The following WDR72 variants were observed in gnomAD, a reference collection of about 807,000 sequenced individuals.
WDR72 encodes WD repeat-containing protein 72.
A neutral mutation model predicts 124.2 loss-of-function variants in WDR72; 120 were observed. That is an observed-to-expected ratio of 0.97 (90% CI 0.83 to 1.12). WDR72 has a LOEUF of 1.12. WDR72 is among the 50% of genes most tolerant of loss of function. The pLI, the probability that WDR72 is intolerant of heterozygous loss-of-function variation, is 0.00. For missense variants in WDR72, 1,387 were observed against 1,278.8 expected (o/e 1.08, Z -1.29); for synonymous variants, 452 against 441.7 (o/e 1.02, Z -0.29).
At chr15:53,743,400 T>C (rs912971553) in intron 1 of WDR72, among the ~76,000 whole-genome samples, 5 of 152,162 alleles carry the variant, frequency 3.3e-5, no homozygotes, top group Admixed American at 3.3e-4. Context: ...TTTAGGTATA[T>C]ATCAAATAAG....
intron 18 of WDR72, among the ~76,000 whole-genome samples, chr15:53,539,278 T>A (rs988287875): frequency 6.6e-6 from 1 of 152,104 alleles, no homozygotes; most frequent in African/African-American, 2.4e-5. Context: ...TGAAAAGCCA[T>A]CAGCATCAGA....
chr15:53,516,208 C>T lies in WDR72; in HGVS notation c.*1491G>A, dbSNP rs1891452558. 1 of 152,058 alleles carries T rather than the reference C, an allele frequency of 6.6e-6. No homozygotes were observed. The allele number at this position is 152,058 out of a possible 1,614,324, so 9.4% of individuals were successfully genotyped here. ...ACTTCAACTCAAATGTAATTTCAAGCAGTAAAATCATATTTTAGGAAACAA... is the reference window on the plus strand; with the variant it reads ...ACTTCAACTCAAATGTAATTTCAAGTAGTAAAATCATATTTTAGGAAACAA... On this transcript the variant is annotated 3_prime_UTR_variant, in exon 20 of 20. Transcript: ENST00000360509.
chr15:53,617,923 T>G (rs1330916618), intron 14 of WDR72, among the ~76,000 whole-genome samples: 1 of 151,962 alleles, frequency 6.6e-6, no homozygotes, highest in African/African-American at 2.4e-5. Context: ...CTGGGAGGTA[T>G]AGTTTCTGGG....
chr15:53,578,025 A>G (rs1257801804), intron 18 of WDR72, among the ~76,000 whole-genome samples: 1 of 152,160 alleles, frequency 6.6e-6, no homozygotes, highest in Non-Finnish European at 1.5e-5. Context: ...ATCATATACC[A>G]GGACTTTAAA....
At chr15:53,573,061 A>C (rs778029212) in intron 18 of WDR72, among the ~76,000 whole-genome samples, 1 of 152,202 alleles carries the variant, frequency 6.6e-6, no homozygotes. Flanking sequence ...TTTCATGGTC[A>C]TGGATTCCAA....
At chr15:53,667,251 G>A (rs143944661) in intron 13 of WDR72, among the ~76,000 whole-genome samples, 38 of 152,216 alleles carry the variant, frequency 2.5e-4, no homozygotes, top group African/African-American at 8.2e-4. Context: ...TACTAGGTAG[G>A]GCTAAGGCAG....
chr15:53,650,893 G>T (rs933559487), intron 14 of WDR72, among the ~76,000 whole-genome samples: 42 of 106,762 alleles, frequency 3.9e-4, no homozygotes, highest in African/African-American at 4.2e-4. Flanking sequence ...CTCTAATTCA[G>T]TTTTTTTTTT....
chr15:53,740,454 C>T (rs978493296), intron 1 of WDR72, among the ~76,000 whole-genome samples: 1 of 151,906 alleles, frequency 6.6e-6, no homozygotes, highest in Non-Finnish European at 1.5e-5. Flanking sequence ...ACTACAGGCG[C>T]CCACCACCGC....
chr15:53,711,894 GA>G (rs2017549977), intron 7 of WDR72, among the ~76,000 whole-genome samples: 1 of 152,114 alleles, frequency 6.6e-6, no homozygotes, highest in Non-Finnish European at 1.5e-5. Flanking sequence ...ACACAAGTAA[GA>G]CTGTATAGTT....
At chr15:53,522,585 T>A (rs1891862847) in intron 19 of WDR72, among the ~76,000 whole-genome samples, 1 of 152,074 alleles carries the variant, frequency 6.6e-6, no homozygotes, top group Non-Finnish European at 1.5e-5. Flanking sequence ...GAAACAGAAA[T>A]CCTTGTATAA....
At chr15:53,574,145 T>C (rs1181905823) in intron 18 of WDR72, among the ~76,000 whole-genome samples, 1 of 152,198 alleles carries the variant, frequency 6.6e-6, no homozygotes, top group Non-Finnish European at 1.5e-5. Context: ...TGTATTACAA[T>C]ATAATCCTTC....
chr15:53,720,266 T>C (rs2017839719), intron 3 of WDR72, among the ~76,000 whole-genome samples: 1 of 152,192 alleles, frequency 6.6e-6, no homozygotes, highest in South Asian at 2.1e-4. Context: ...TCAATCAACA[T>C]CTTTACCCAC....
intron 18 of WDR72, among the ~76,000 whole-genome samples, chr15:53,537,502 T>G (rs2140247324): frequency 6.6e-6 from 1 of 152,260 alleles, no homozygotes; most frequent in East Asian, 1.9e-4. Context: ...CAATCCTGGC[T>G]CATCTACAAA....
At chr15:53,559,303 A>AT (rs559985221) in intron 18 of WDR72, among the ~76,000 whole-genome samples, 40 of 152,022 alleles carry the variant, frequency 2.6e-4, no homozygotes, top group African/African-American at 7.0e-4. Flanking sequence ...ACACATGTGG[A>AT]TTTTTTTTAA....
intron 18 of WDR72, among the ~76,000 whole-genome samples, chr15:53,574,486 T>A (rs1482020044): frequency 6.6e-6 from 1 of 152,200 alleles, no homozygotes; most frequent in Non-Finnish European, 1.5e-5. Flanking sequence ...TAAGAGGCAC[T>A]CAGATTTCGG....
chr15:53,595,047 T>C (rs2140336571), intron 18 of WDR72, among the ~76,000 whole-genome samples: 1 of 152,248 alleles, frequency 6.6e-6, no homozygotes, highest in Admixed American at 6.6e-5. Context: ...GAAAATAATA[T>C]ACGCCCAGCA....
At chr15:53,705,461 T>A (rs1425160195) in intron 10 of WDR72, among the ~76,000 whole-genome samples, 1 of 145,114 alleles carries the variant, frequency 6.9e-6, no homozygotes, top group South Asian at 2.2e-4. Flanking sequence ...TGTTTTTAAT[T>A]AAAAAAAAAT....
chr15:53,565,356 T>C (rs558447265), intron 18 of WDR72, among the ~76,000 whole-genome samples: 1 of 151,872 alleles, frequency 6.6e-6, no homozygotes, highest in Admixed American at 6.6e-5. Context: ...GTAAAAAGAA[T>C]AAACAATGAA....
At chr15:53,749,436 C>G (rs1377300284) in intron 1 of WDR72, among the ~76,000 whole-genome samples, 2 of 152,092 alleles carry the variant, frequency 1.3e-5, no homozygotes, top group Admixed American at 6.6e-5. Context: ...AGTTTTTGTT[C>G]TGACTGTTCC....
Sources: gnomAD v4.1 joint callset for allele counts (sites outside exome capture counted in the v4.1 genomes callset) on GRCh38, gnomAD v4.1.1 for gene constraint, MANE v1.5 for transcripts, NCBI Gene and HGNC (gene_info 2026-07-23, HGNC 2026-07-21) for gene names.